Variants in AFAP1L2 observed in about 807,000 individuals in gnomAD.
The protein encoded by AFAP1L2 is actin filament-associated protein 1-like 2.
Under a neutral mutation model 99.3 loss-of-function variants are expected in AFAP1L2, and 46 were observed. The observed-to-expected ratio is 0.46, with a 90% CI of 0.37 to 0.59. The LOEUF (loss-of-function observed/expected upper bound fraction) is 0.59, where lower values mean the gene tolerates loss of function less well. AFAP1L2 is among the 20% of genes least tolerant of loss of function. AFAP1L2 has a pLI of 0.00. For missense variants in AFAP1L2, 959 were observed against 1,034.9 expected (o/e 0.93, Z 1.01); for synonymous variants, 397 against 419.1 (o/e 0.95, Z 0.64).
chr10:114,383,690 A>G lies in AFAP1L2; in HGVS notation c.16+20750T>C, dbSNP rs187839673. 6.7e-3 allele frequency among the ~76,000 whole-genome samples: 1,017 copies of G among 152,334 alleles called. 3 individuals are homozygous for G. Among genetic ancestry groups the G allele is most frequent in the Non-Finnish European group, 0.011 (741 of 68,024 alleles). ...AATTATTTAAAATAACTCCATCTGA[A>G]AAACCAAAAACAACAAAAAGAAGAG... is the stretch of plus-strand genomic sequence containing the variant. On this transcript the variant is annotated intron_variant, in intron 1 of 18. Coordinates refer to ENST00000304129, the MANE Select transcript of AFAP1L2 (RefSeq NM_001001936.3).
chr10:114,314,018 C>T lies in AFAP1L2; in HGVS notation c.645G>A (p.Gln215=). Residue 215 remains glutamine (Q), a synonymous_variant, in exon 7 of 19, where the codon CAG becomes CAA. Transcript: ENST00000304129. ...CYKSSKDHSP[Q]LDVNLLGSSV... is the part of the protein sequence containing the mutation. ...TGCTGCCCAGTAGGTTCACGTCCAG[C>T]TGAGGGCTGTGGTCCTTGGAGGATT... 1 of 1,613,704 alleles carries T rather than the reference C, an allele frequency of 6.2e-7. No homozygotes were observed. Among genetic ancestry groups the T allele is most frequent in the South Asian group, 1.1e-5 (1 of 91,056 alleles).
intron 1 of AFAP1L2, among the ~76,000 whole-genome samples, chr10:114,388,441 C>A (rs555866054): frequency 1.3e-5 from 2 of 152,260 alleles, no homozygotes; most frequent in South Asian, 4.2e-4. Flanking sequence ...ATGTTGGACA[C>A]CACCCCCCAC....
At chr10:114,384,472 A>C (rs1565059000) in intron 1 of AFAP1L2, among the ~76,000 whole-genome samples, 1 of 152,244 alleles carries the variant, frequency 6.6e-6, no homozygotes, top group Non-Finnish European at 1.5e-5. Context: ...CACTGGGAAC[A>C]CTTGCCAGCA....
intron 1 of AFAP1L2, among the ~76,000 whole-genome samples, chr10:114,401,704 G>T (rs1454220836): frequency 6.6e-6 from 1 of 151,580 alleles, no homozygotes; most frequent in Admixed American, 6.6e-5. Flanking sequence ...AAGAAAGTCT[G>T]GAAGTGTCTC....
intron 1 of AFAP1L2, among the ~76,000 whole-genome samples, chr10:114,384,182 G>A (rs1440637164): frequency 2.0e-5 from 3 of 152,230 alleles, no homozygotes; most frequent in African/African-American, 7.2e-5. Flanking sequence ...CAGTGCGTGA[G>A]AGGCACCATC....
intron 1 of AFAP1L2, among the ~76,000 whole-genome samples, chr10:114,363,410 G>A (rs1369545797): frequency 1.3e-5 from 2 of 152,204 alleles, no homozygotes; most frequent in Non-Finnish European, 2.9e-5. Context: ...GGAAGAATGA[G>A]GCTGAGCCCT....
Position 114,299,418 on chromosome 10 carries a change from A to G in AFAP1L2, c.1958-3T>C. The G allele has an allele frequency of 1.2e-6, 2 of 1,613,968 alleles. No individual in the cohort carries two copies. The highest frequency in any genetic ancestry group is 1.7e-6 in the Non-Finnish European group (2 of 1,179,978). On this transcript the variant is annotated splice_region_variant and splice_polypyrimidine_tract_variant and intron_variant, in intron 15 of 18. Transcript: ENST00000304129. ...CCGATTCTTGCCAAGCTTGATCTCT[A>G]CAGACCCAGAGAGGGAAGCCCCAGG...
chr10:114,327,183 T>TA lies in AFAP1L2; in HGVS notation c.316-3923dup, dbSNP rs1554903152. Among the ~76,000 whole-genome samples the TA allele has an allele frequency of 9.3e-5, 6 of 64,690 alleles. 1 individual carries two copies. The Admixed American group carries it at 1.2e-3, about 13-fold the overall frequency. The allele number at this position is 64,690 out of a possible 152,430, so 42.4% of individuals were successfully genotyped here. A position where few individuals can be genotyped will look rare whatever the true frequency, so the allele number is the denominator to read the frequency against. Reference sequence around the variant, plus strand: ...TATATATATATATATATTTTTTTTTTAGGCAGAGTCTCACTGTGTTGCCCA... The same window carrying TA: ...TATATATATATATATATTTTTTTTTTAAGGCAGAGTCTCACTGTGTTGCCCA... On this transcript the variant is annotated intron_variant, in intron 4 of 18. Coordinates refer to ENST00000304129, the MANE Select transcript of AFAP1L2 (RefSeq NM_001001936.3).
the AFAP1L2 span, among the ~76,000 whole-genome samples, chr10:114,288,413 T>C: frequency 3.3e-5 from 5 of 152,356 alleles, no homozygotes; most frequent in South Asian, 1.0e-3. Flanking sequence ...ATTAGTGCCC[T>C]GCATACTGGG....
At chr10:114,310,212 C>T in intron 8 of AFAP1L2, 142 bp downstream of exon 8, 2 of 842,818 alleles carry the variant, frequency 2.4e-6, no homozygotes, top group East Asian at 2.8e-5. Flanking sequence ...CAGGCGTGAG[C>T]CCACCCTGCC....
chr10:114,310,918 C>T (rs1054135272), intron 7 of AFAP1L2, among the ~76,000 whole-genome samples: 17 of 152,168 alleles, frequency 1.1e-4, no homozygotes, highest in Middle Eastern at 3.4e-3. Context: ...CTCCCTTGTT[C>T]CAACCACCCT....
rs1238174541 is a variant in AFAP1L2 at position 114,319,507 on chromosome 10, G to C, written c.406+3664C>G. ...CCTCGGGACATGCACACATCTTTGA[G>C]AGACAGGCAGCAGGCAAGAATCACT... On this transcript the variant is annotated intron_variant, in intron 5 of 18. Transcript: ENST00000304129. 8.9e-6 allele frequency: 11 copies of C among 1,239,594 alleles called. No homozygotes were observed. In the Admixed American group the frequency reaches 2.5e-4, roughly 29 times the overall value. 76.8% of individuals were successfully genotyped at this position (1,239,594 alleles called of 1,614,324 possible). A position where few individuals can be genotyped will look rare whatever the true frequency, so the allele number is the denominator to read the frequency against.
intron 1 of AFAP1L2, among the ~76,000 whole-genome samples, chr10:114,345,858 G>A (rs980898123): frequency 9.5e-5 from 14 of 147,808 alleles, no homozygotes; most frequent in Non-Finnish European, 2.9e-5. Context: ...GCCGATGTGG[G>A]CACTGGGTGG....
chr10:114,286,632 A>G, the AFAP1L2 span: 2 of 789,490 alleles, frequency 2.5e-6, no homozygotes, highest in South Asian at 3.9e-5. Context: ...CCACAGCCCC[A>G]CTCTTTCAGG....
chr10:114,340,776 C>A, intron 1 of AFAP1L2, 45 bp from the exon 2 acceptor site: 1 of 1,613,756 alleles, frequency 6.2e-7, no homozygotes, highest in Non-Finnish European at 8.5e-7. Flanking sequence ...TGCCCGCTCT[C>A]CAAAGCCCAG....
chr10:114,300,050 G>A (rs751889062), intron 15 of AFAP1L2, 144 bp downstream of exon 15: 94 of 1,189,598 alleles, frequency 7.9e-5, no homozygotes, highest in Non-Finnish European at 1.0e-4. Context: ...AAGGCCTATC[G>A]TGGGACTTGA....
At position 114,297,405 on chromosome 10, in the gene AFAP1L2, C is replaced by G. The variant is rs1227373056; in HGVS notation, c.2122G>C (p.Val708Leu). The G allele has an allele frequency of 1.9e-6, 3 of 1,612,640 alleles. No individual in the cohort carries two copies. The highest frequency in any genetic ancestry group is 1.1e-5 in the South Asian group (1 of 90,964). ...AGCTTCTGCTCCAGGCTCGCCAGGACTTCCTTGTCTGGAGAGAGAATTATG... is the reference window on the plus strand; with the variant it reads ...AGCTTCTGCTCCAGGCTCGCCAGGAGTTCCTTGTCTGGAGAGAGAATTATG... ...ETLLKCTDKE[V>L]LASLEQKLKE... The change falls in exon 17 of 19, where the codon GTC (valine) becomes CTC (leucine). Residue 708 changes from valine to leucine, a missense_variant. Around this residue, in one of 2 missense-constraint regions of AFAP1L2, gnomAD observed 576 missense variants for 562.1 expected, o/e 1.02. Transcript: ENST00000304129.
chr10:114,318,751 A>AAAGAAAAAAAGAAAAG lies in AFAP1L2; in HGVS notation c.407-2987_407-2986insCTTTTCTTTTTTTCTT, dbSNP rs1554894546. On this transcript the variant is annotated intron_variant, in intron 5 of 18. Transcript: ENST00000304129. The stretch of plus-strand genomic sequence containing the variant: ...GTGAGACTCTGTCTAAAAAAAAGAA[A>AAAGAAAAAAAGAAAAG]AAAAAAAGAACAACAAATCATACTC... Among the ~76,000 whole-genome samples, 11 of 147,768 alleles carry AAAGAAAAAAAGAAAAG rather than the reference A, an allele frequency of 7.4e-5. 1 individual carries two copies. Among genetic ancestry groups the AAAGAAAAAAAGAAAAG allele is most frequent in the Non-Finnish European group, 1.6e-4 (11 of 66,806 alleles).
chr10:114,353,615 A>C (rs1239817241), intron 1 of AFAP1L2, among the ~76,000 whole-genome samples: 1 of 152,220 alleles, frequency 6.6e-6, no homozygotes, highest in Non-Finnish European at 1.5e-5. Flanking sequence ...CCAAGCCTAG[A>C]GTTTATTCCA....
Sources: allele counts gnomAD v4.1 joint callset (sites outside exome capture counted in the v4.1 genomes callset), GRCh38; gene constraint gnomAD v4.1.1; regional missense constraint gnomAD v4.1.1; transcripts MANE v1.5; gene names NCBI Gene and HGNC (gene_info 2026-07-23, HGNC 2026-07-21).